The following MACROD2 variants were observed in gnomAD, a reference collection of about 807,000 sequenced individuals.
The protein encoded by MACROD2 is ADP-ribose glycohydrolase MACROD2.
A neutral mutation model predicts 70.4 loss-of-function variants in MACROD2; 36 were observed. The observed-to-expected ratio is 0.51, with a 90% CI of 0.39 to 0.68. MACROD2 has a LOEUF of 0.68. MACROD2 is among the 30% of genes least tolerant of loss of function. The probability of loss-of-function intolerance (pLI) is 0.00; values close to 1 mark genes in which losing one functional copy is unlikely to be tolerated. For synonymous variants in MACROD2, 172 were observed against 178.8 expected (o/e 0.96, Z 0.30); for missense variants, 496 against 538.4 (o/e 0.92, Z 0.78).
intron 3 of MACROD2, among the ~76,000 whole-genome samples, chr20:14,470,525 C>G (rs1249875150): frequency 6.6e-6 from 1 of 152,160 alleles, no homozygotes; most frequent in Non-Finnish European, 1.5e-5. Flanking sequence ...GCGACCATAG[C>G]CGCCCCTACC....
chr20:15,683,144 T>G (rs957523719), intron 8 of MACROD2, among the ~76,000 whole-genome samples: 1 of 152,208 alleles, frequency 6.6e-6, no homozygotes, highest in African/African-American at 2.4e-5. Context: ...GTTAGAATAT[T>G]ACGAATAAAT....
intron 3 of MACROD2, among the ~76,000 whole-genome samples, chr20:14,447,168 A>G (rs865990796): frequency 3.4e-4 from 52 of 151,980 alleles, no homozygotes; most frequent in Admixed American, 1.4e-3. Context: ...ACAGGCACCC[A>G]CCACCACACC....
chr20:15,105,881 A>G (rs991613459), intron 5 of MACROD2, among the ~76,000 whole-genome samples: 1 of 152,170 alleles, frequency 6.6e-6, no homozygotes, highest in Non-Finnish European at 1.5e-5. Flanking sequence ...TGCGACGACA[A>G]TTGAACAGCG....
chr20:15,466,864 TA>T (rs2046898103), intron 7 of MACROD2, among the ~76,000 whole-genome samples: 1 of 152,220 alleles, frequency 6.6e-6, no homozygotes, highest in Non-Finnish European at 1.5e-5. Flanking sequence ...CTAGAGCCTA[TA>T]AAAATTGAAA....
At chr20:14,843,447 C>A (rs2073107814) in intron 5 of MACROD2, among the ~76,000 whole-genome samples, 2 of 151,952 alleles carry the variant, frequency 1.3e-5, no homozygotes, top group African/African-American at 2.4e-5. Flanking sequence ...AGAATGCATA[C>A]ATGTGGCAGT....
chr20:15,231,191 G>C (rs1193908062), intron 6 of MACROD2, among the ~76,000 whole-genome samples: 2 of 151,872 alleles, frequency 1.3e-5, no homozygotes, highest in Non-Finnish European at 1.5e-5. Flanking sequence ...TTAATCTTTG[G>C]ATAATTATTA....
intron 5 of MACROD2, among the ~76,000 whole-genome samples, chr20:15,023,150 T>C (rs2075202367): frequency 6.6e-6 from 1 of 152,104 alleles, no homozygotes; most frequent in Non-Finnish European, 1.5e-5. Flanking sequence ...CATGATGCCA[T>C]CATTTGCTAG....
intron 3 of MACROD2, among the ~76,000 whole-genome samples, chr20:14,356,107 A>G (rs545868585): frequency 6.6e-6 from 1 of 152,278 alleles, no homozygotes; most frequent in Non-Finnish European, 1.5e-5. Flanking sequence ...TTTATAGCCT[A>G]GTTCTGCCAC....
intron 10 of MACROD2, among the ~76,000 whole-genome samples, chr20:15,927,352 A>G (rs954444349): frequency 6.6e-5 from 10 of 152,186 alleles, no homozygotes; most frequent in African/African-American, 2.4e-4. Context: ...CAGAGGGCTT[A>G]TGGCTTAGCT....
chr20:14,708,745 G>A (rs1210825981), intron 5 of MACROD2, among the ~76,000 whole-genome samples: 1 of 152,090 alleles, frequency 6.6e-6, no homozygotes, highest in South Asian at 2.1e-4. Flanking sequence ...AGCCTCCCGA[G>A]TAGCTGGGAT....
chr20:15,771,389 T>A (rs1326213013), intron 8 of MACROD2, among the ~76,000 whole-genome samples: 1 of 149,036 alleles, frequency 6.7e-6, no homozygotes, highest in Non-Finnish European at 1.5e-5. Context: ...TGCCATGTAG[T>A]TCAGGCTGGT....
At chr20:14,997,733 A>G (rs1169073369) in intron 5 of MACROD2, among the ~76,000 whole-genome samples, 1 of 152,086 alleles carries the variant, frequency 6.6e-6, no homozygotes, top group African/African-American at 2.4e-5. Flanking sequence ...CTAACTAAGG[A>G]GCCCTTGGGC....
chr20:14,495,937 A>G (rs566767143), intron 4 of MACROD2, among the ~76,000 whole-genome samples: 51 of 152,320 alleles, frequency 3.3e-4, no homozygotes, highest in Non-Finnish European at 5.3e-4. Flanking sequence ...AAAGTAGGTC[A>G]TCGACAGGTT....
chr20:15,913,015 C>A (rs1016795944), intron 10 of MACROD2, among the ~76,000 whole-genome samples: 20 of 152,142 alleles, frequency 1.3e-4, no homozygotes, highest in African/African-American at 4.1e-4. Context: ...TTCTAAGCTT[C>A]AGTTTTCTCA....
Position 15,422,255 on chromosome 20 carries a change from C to T in MACROD2, c.541-9150C>T, listed in dbSNP as rs139126068. 2.2e-4 allele frequency among the ~76,000 whole-genome samples: 33 copies of T among 152,146 alleles called. No individual in the cohort carries two copies. The East Asian group carries it at 4.1e-3, about 19-fold the overall frequency. On this transcript the variant is annotated intron_variant, in intron 6 of 17. Transcript: ENST00000684519. Reference sequence around the variant, plus strand: ...GTCTTTAAAATGTAAATGAATGCAGCGGAAGGATTCTCACTCTACTCTTGG... The same window carrying T: ...GTCTTTAAAATGTAAATGAATGCAGTGGAAGGATTCTCACTCTACTCTTGG...
At chr20:16,037,998 G>A (rs2147602762) in intron 15 of MACROD2, among the ~76,000 whole-genome samples, 1 of 151,458 alleles carries the variant, frequency 6.6e-6, no homozygotes, top group East Asian at 1.9e-4. Context: ...AATTCTCTCA[G>A]TCATATTCTC....
chr20:15,923,842 G>A (rs1246178008), intron 10 of MACROD2, among the ~76,000 whole-genome samples: 1 of 152,138 alleles, frequency 6.6e-6, no homozygotes, highest in Non-Finnish European at 1.5e-5. Context: ...ATGAAGTAAA[G>A]AGAATATGTT....
intron 8 of MACROD2, among the ~76,000 whole-genome samples, chr20:15,777,608 T>C (rs566677531): frequency 7.9e-6 from 1 of 126,072 alleles, no homozygotes; most frequent in South Asian, 3.0e-4. Context: ...CTTCCCTCCC[T>C]CCCTCTCTCC....
intron 3 of MACROD2, among the ~76,000 whole-genome samples, chr20:14,195,108 G>T (rs2081418728): frequency 6.6e-6 from 1 of 152,048 alleles, no homozygotes; most frequent in Non-Finnish European, 1.5e-5. Context: ...CTTTTTAAAA[G>T]AAGAATTTAT....
Sources: gnomAD v4.1 joint callset for allele counts (sites outside exome capture counted in the v4.1 genomes callset) on GRCh38, gnomAD v4.1.1 for gene constraint, MANE v1.5 for transcripts, NCBI Gene and HGNC (gene_info 2026-07-23, HGNC 2026-07-21) for gene names.